Variants in COL27A1 observed in about 807,000 individuals in gnomAD.
COL27A1 encodes the protein collagen type XXVII alpha 1 chain, also known as collagen alpha-1(XXVII) chain.
In COL27A1, 106 loss-of-function variants were observed where a neutral mutation model predicts 251.3. The ratio of observed to expected loss-of-function variants is 0.42; its 90% CI spans 0.36 to 0.50. COL27A1 has a LOEUF of 0.50. Among genes scored for constraint, COL27A1 ranks in the 20% least tolerant of loss-of-function variants. The pLI is 0.00. For synonymous variants in COL27A1, 1,000 were observed against 986.3 expected, an observed-to-expected ratio of 1.01 and a Z score of -0.26; for missense variants, 2,325 against 2,522.8, an observed-to-expected ratio of 0.92 and a Z score of 1.68.
chr9:114,244,510 T>C (rs2135494048), intron 23 of COL27A1, among the ~76,000 whole-genome samples: 1 of 152,354 alleles, frequency 6.6e-6, no homozygotes, highest in East Asian at 1.9e-4. Context: ...CCAGCCATTC[T>C]GGGCAAAAGA....
chr9:114,224,377 C>T lies in COL27A1; in HGVS notation c.2466+2110C>T, dbSNP rs78229607. Among the ~76,000 whole-genome samples the T allele has an allele frequency of 4.4e-3, 663 of 152,266 alleles. 2 individuals are homozygous for T. The highest frequency in any genetic ancestry group is 0.014 in the Middle Eastern group (4 of 294). On this transcript the variant is annotated intron_variant, in intron 14 of 60. Coordinates refer to ENST00000356083, the MANE Select transcript of COL27A1 (RefSeq NM_032888.4). ...GTTTTCCTGTGGATGGAGCCCGAGTCGTCCTCACTGTCCCTGAGTGAGGCT... is the reference window on the plus strand; with the variant it reads ...GTTTTCCTGTGGATGGAGCCCGAGTTGTCCTCACTGTCCCTGAGTGAGGCT...
At position 114,301,711 on chromosome 9, in the gene COL27A1, C is replaced by T. The variant is rs1338414725; in HGVS notation, c.4839C>T (p.Gly1613=). ...RGPPGPRGRP[G]PPGPPGGPIQ... Reference sequence around the variant, plus strand: ...CTCCCGGCCCCAGAGGGCGGCCCGGCCCCCCGGTAGGTAACTGAGTGCTGG... The same window carrying T: ...CTCCCGGCCCCAGAGGGCGGCCCGGTCCCCCGGTAGGTAACTGAGTGCTGG... Residue 1613 remains glycine (G), a synonymous_variant, in exon 55 of 61, where the codon GGC becomes GGT. Transcript: ENST00000356083. 1.9e-6 allele frequency: 3 copies of T among 1,611,102 alleles called. No homozygotes were observed. The highest frequency in any genetic ancestry group is 1.1e-5 in the South Asian group (1 of 90,744).
chr9:114,222,159 ATGGAGGGAGGGGCCC>A, intron 13 of COL27A1, 49 bp from the exon 14 acceptor site: 1 of 1,448,408 alleles, frequency 6.9e-7, no homozygotes, highest in Non-Finnish European at 9.7e-7. Context: ...GGAGGATGAC[ATGGAGGGAGGGGCCC>A]TGGAGGGAGA....
intron 3 of COL27A1, among the ~76,000 whole-genome samples, chr9:114,175,660 A>G (rs902022077): frequency 3.3e-5 from 5 of 152,114 alleles, no homozygotes; most frequent in Non-Finnish European, 1.5e-5. Flanking sequence ...GATGTGGTGG[A>G]TGAGGTCAGA....
At chr9:114,160,217 T>C (rs2043196) in intron 1 of COL27A1, among the ~76,000 whole-genome samples, 32,404 of 151,310 alleles carry the variant, frequency 0.21, 3,647 homozygotes, top group Middle Eastern at 0.32. Context: ...TGCAGTGGCA[T>C]GAACTTGGCT....
chr9:114,271,692 C>G (rs1835160592), intron 36 of COL27A1: 1 of 152,534 alleles, frequency 6.6e-6, no homozygotes, highest in Admixed American at 6.5e-5. Flanking sequence ...CCGCTCTGAC[C>G]CCACAGGTGG....
At position 114,169,396 on chromosome 9, in the gene COL27A1, T is replaced by C; in HGVS notation, c.1841T>C (p.Leu614Pro). Residue 614 changes from leucine (L) to proline (P), a missense_variant, in exon 3 of 61, where the codon CTG becomes CCG. Around this residue, in one of 4 missense-constraint regions of COL27A1, gnomAD observed 1,183 missense variants for 1,144.1 expected, o/e 1.03. Transcript: ENST00000356083. ...PTSSGYSIFH[L>P]AGSTPFPLLM... ...AGCAGTGGCTATTCGATCTTCCACC[T>C]GGCAGGATCTACGCCTTTCCCTCTG... 6.2e-7 allele frequency: 1 copy of C among 1,606,616 alleles called. No homozygotes were observed. Among genetic ancestry groups the C allele is most frequent in the Non-Finnish European group, 8.5e-7 (1 of 1,177,118 alleles).
At chr9:114,260,214 A>G (rs1834219590) in intron 28 of COL27A1, among the ~76,000 whole-genome samples, 1 of 152,162 alleles carries the variant, frequency 6.6e-6, no homozygotes, top group Admixed American at 6.5e-5. Context: ...CAGTGGCTTG[A>G]AGAACGTATT....
chr9:114,207,545 G>A (rs904979492), intron 10 of COL27A1, among the ~76,000 whole-genome samples: 15 of 152,214 alleles, frequency 9.9e-5, no homozygotes, highest in Non-Finnish European at 1.9e-4. Flanking sequence ...TTGCCTGCCA[G>A]GCTGGTGGCA....
intron 13 of COL27A1, among the ~76,000 whole-genome samples, 196 bp from the exon 14 acceptor site, chr9:114,222,027 G>A (rs1390958017): frequency 6.6e-6 from 1 of 152,250 alleles, no homozygotes; most frequent in Non-Finnish European, 1.5e-5. Flanking sequence ...GATGTGGAAA[G>A]CTGATGGCAG....
At chr9:114,256,274 G>A (rs1166746080) in intron 27 of COL27A1, among the ~76,000 whole-genome samples, 3 of 152,118 alleles carry the variant, frequency 2.0e-5, no homozygotes, top group African/African-American at 4.8e-5. Flanking sequence ...GGCGGATCAC[G>A]AGGTCAGGAG....
At chr9:114,287,004 G>A (rs911538997) in intron 41 of COL27A1, among the ~76,000 whole-genome samples, 4 of 152,206 alleles carry the variant, frequency 2.6e-5, no homozygotes, top group Admixed American at 1.3e-4. Flanking sequence ...CCCCAAAGCC[G>A]TCAAGTCCAG....
intron 5 of COL27A1, among the ~76,000 whole-genome samples, chr9:114,193,997 A>G (rs1426948852): frequency 1.3e-5 from 2 of 152,146 alleles, no homozygotes; most frequent in Non-Finnish European, 2.9e-5. Flanking sequence ...AGGGGTTTCT[A>G]GGTGTGGGTG....
intron 57 of COL27A1, among the ~76,000 whole-genome samples, chr9:114,305,208 C>T (rs1202898317): frequency 6.6e-6 from 1 of 152,224 alleles, no homozygotes; most frequent in East Asian, 1.9e-4. Context: ...CTGCCCCCAG[C>T]TCAAACCTCC....
rs552057007 is a variant in COL27A1, at chr9:114,174,815, A to G, written c.1909-3476A>G. 5.3e-5 allele frequency among the ~76,000 whole-genome samples: 8 copies of G among 152,296 alleles called. No homozygotes were observed. The South Asian group carries it at 1.7e-3, about 32-fold the overall frequency. Reference sequence around the variant, plus strand: ...GCAGGTCCTTCCCAGGACAGAGGCTAGGGAAGTCTGGGTGCCCTGTGTGAA... The same window carrying G: ...GCAGGTCCTTCCCAGGACAGAGGCTGGGGAAGTCTGGGTGCCCTGTGTGAA... On this transcript the variant is annotated intron_variant, in intron 3 of 60. Transcript: ENST00000356083.
chr9:114,235,706 C>G, intron 17 of COL27A1, 54 bp downstream of exon 17: 1 of 1,422,488 alleles, frequency 7.0e-7, no homozygotes, highest in Non-Finnish European at 9.9e-7. Context: ...CCTGCTGTTC[C>G]CCTGGTCTTG....
At chr9:114,219,201 G>A (rs1274025186) in intron 12 of COL27A1, among the ~76,000 whole-genome samples, 1 of 152,184 alleles carries the variant, frequency 6.6e-6, no homozygotes, top group Non-Finnish European at 1.5e-5. Context: ...GACCTGCCTG[G>A]GCCGGGCAGC....
At position 114,288,810 on chromosome 9, in the gene COL27A1, G is replaced by A; in HGVS notation, c.4098+55G>A. On this transcript the variant is annotated intron_variant, in intron 43 of 60. Transcript: ENST00000356083. ...GGATCGGGCATGTCAGGGAGAGGGG[G>A]GATGACACATGTCTAGAAAGAACAA... The A allele has an allele frequency of 1.9e-6, 3 of 1,600,820 alleles. 1 individual carries two copies. In the South Asian group the frequency reaches 3.3e-5, roughly 18 times the overall value.
rs375161064 is a variant in COL27A1 at position 114,162,907 on chromosome 9, AG to A, written c.133+123del. ...TCAATGCCTCAGTTTTCCCATCAGT[AG>A]AATGGAGATGATAATTGGCAAATTC... On this transcript the variant is annotated intron_variant, in intron 2 of 60. Coordinates refer to ENST00000356083, the MANE Select transcript of COL27A1 (RefSeq NM_032888.4). 432 of 674,678 alleles carry A rather than the reference AG, an allele frequency of 6.4e-4. 1 individual carries two copies. In the African/African-American group the frequency reaches 7.4e-3, roughly 12 times the overall value. 41.8% of individuals were successfully genotyped at this position (674,678 alleles called of 1,614,324 possible).
Sources: allele counts gnomAD v4.1 joint callset (sites outside exome capture counted in the v4.1 genomes callset), GRCh38; gene constraint gnomAD v4.1.1; regional missense constraint gnomAD v4.1.1; transcripts MANE v1.5; gene names NCBI Gene and HGNC (gene_info 2026-07-23, HGNC 2026-07-21).